Variants in SDK1 observed in about 807,000 individuals in gnomAD.
SDK1 encodes protein sidekick-1.
In SDK1, 157 loss-of-function variants were observed where a neutral mutation model predicts 245.5. The observed-to-expected ratio is 0.64, with a 90% confidence interval of 0.56 to 0.73. SDK1 has a LOEUF of 0.73. Among genes scored for constraint, SDK1 ranks in the 30% least tolerant of loss-of-function variants. The pLI is 0.00. For missense variants in SDK1, 3,583 were observed against 3,002.3 expected (o/e 1.19, Z -4.52); for synonymous variants, 1,647 against 1,278.5 (o/e 1.29, Z -6.15).
intron 12 of SDK1, among the ~76,000 whole-genome samples, chr7:3,974,139 A>T (rs749855422): frequency 6.8e-6 from 1 of 146,446 alleles, no homozygotes; most frequent in African/African-American, 2.6e-5. Flanking sequence ...GGCCAAGATC[A>T]TGCCACTGCA....
At chr7:3,813,327 G>T (rs1315187017) in intron 4 of SDK1, among the ~76,000 whole-genome samples, 1 of 143,068 alleles carries the variant, frequency 7.0e-6, no homozygotes, top group African/African-American at 2.6e-5. Flanking sequence ...TGTTCTCATT[G>T]TTCATTTCCC....
intron 7 of SDK1, among the ~76,000 whole-genome samples, chr7:3,954,700 G>A (rs1449739198): frequency 6.8e-6 from 1 of 147,950 alleles, no homozygotes; most frequent in East Asian, 2.0e-4. Flanking sequence ...CCATTCATGG[G>A]CTTGAATGAG....
chr7:3,306,194 C>T lies in SDK1; in HGVS notation c.298+4310C>T, dbSNP rs142310088. ...TCAAGTTTTAGATAAACCTTATTTA[C>T]GATTATGATTGCAAAATAAAAATTA... On this transcript the variant is annotated intron_variant, in intron 1 of 44. Coordinates refer to ENST00000404826, the MANE Select transcript of SDK1 (RefSeq NM_152744.4). Among the ~76,000 whole-genome samples, 5 of 152,208 alleles carry T rather than the reference C, an allele frequency of 3.3e-5. 1 individual carries two copies. Among genetic ancestry groups the T allele is most frequent in the South Asian group, 4.2e-4 (2 of 4,814 alleles).
intron 4 of SDK1, among the ~76,000 whole-genome samples, chr7:3,662,521 G>A (rs1043814222): frequency 1.3e-5 from 2 of 152,168 alleles, no homozygotes; most frequent in Non-Finnish European, 1.5e-5. Context: ...AGGCAGTGAG[G>A]ACCCAGGCTG....
chr7:3,336,664 A>T (rs1233545795), intron 1 of SDK1, among the ~76,000 whole-genome samples: 1 of 150,530 alleles, frequency 6.6e-6, no homozygotes, highest in Non-Finnish European at 1.5e-5. Flanking sequence ...CTGCTCCTGG[A>T]TGCAGCAACA....
chr7:4,196,450 A>G (rs1372618713), intron 35 of SDK1, among the ~76,000 whole-genome samples: 1 of 152,222 alleles, frequency 6.6e-6, no homozygotes, highest in Non-Finnish European at 1.5e-5. Flanking sequence ...AAAGCCATTC[A>G]GTCCCCTGGA....
chr7:3,806,386 G>A (rs67665990), intron 4 of SDK1, among the ~76,000 whole-genome samples: 18,359 of 111,800 alleles, frequency 0.16, 1,470 homozygotes, highest in Middle Eastern at 0.32. Flanking sequence ...ACATTAGGAC[G>A]TGGATGTCCT....
intron 5 of SDK1, among the ~76,000 whole-genome samples, chr7:3,839,400 A>G (rs887763746): frequency 6.6e-6 from 1 of 152,200 alleles, no homozygotes; most frequent in Non-Finnish European, 1.5e-5. Flanking sequence ...GGTGAACCCA[A>G]TCAAGTTGTC....
rs539946831 is a variant in SDK1, at chr7:3,377,029, C to T, written c.298+75145C>T. Among the ~76,000 whole-genome samples the T allele has an allele frequency of 8.5e-5, 13 of 152,114 alleles. No homozygotes were observed. The South Asian group carries it at 2.1e-3, about 24-fold the overall frequency. ...TGTTGCCAACTCTCTATTCTGAAAT[C>T]GATTCTAACATTCAGCCCTGCTTCG... On this transcript the variant is annotated intron_variant, in intron 1 of 44. Transcript: ENST00000404826.
chr7:3,395,153 C>G (rs2128571500), intron 1 of SDK1, among the ~76,000 whole-genome samples: 2 of 152,024 alleles, frequency 1.3e-5, no homozygotes, highest in South Asian at 2.1e-4. Context: ...TTACCAGGTT[C>G]TATTCTAAGG....
At chr7:4,038,215 C>A (rs927128401) in intron 17 of SDK1, among the ~76,000 whole-genome samples, 1 of 152,204 alleles carries the variant, frequency 6.6e-6, no homozygotes, top group East Asian at 1.9e-4. Context: ...CCCAGAGGAT[C>A]GACTGAGGCC....
intron 22 of SDK1, among the ~76,000 whole-genome samples, chr7:4,093,191 A>G (rs1781915325): frequency 6.6e-6 from 1 of 152,132 alleles, no homozygotes; most frequent in Admixed American, 6.5e-5. Flanking sequence ...TTGACTGTAG[A>G]GTGAGCAAAA....
chr7:3,967,171 T>C, intron 9 of SDK1, 147 bp from the exon 10 acceptor site: 1 of 651,408 alleles, frequency 1.5e-6, no homozygotes, highest in Non-Finnish European at 2.7e-6. Flanking sequence ...AGTGGAGGGC[T>C]GCCGTCCCTC....
chr7:3,349,746 C>T (rs980621150), intron 1 of SDK1, among the ~76,000 whole-genome samples: 2 of 149,570 alleles, frequency 1.3e-5, no homozygotes, highest in Middle Eastern at 3.2e-3. Flanking sequence ...CCTACAGGCA[C>T]CTGCCACCAC....
intron 4 of SDK1, among the ~76,000 whole-genome samples, chr7:3,769,633 G>T (rs1780349678): frequency 6.6e-6 from 1 of 152,048 alleles, no homozygotes. Context: ...GAATTGCACT[G>T]GAATATCAGG....
At chr7:3,630,998 C>CAA (rs1782272261) in intron 2 of SDK1, among the ~76,000 whole-genome samples, 1 of 152,004 alleles carries the variant, frequency 6.6e-6, no homozygotes, top group Non-Finnish European at 1.5e-5. Context: ...TGCAGTGGTG[C>CAA]AATGGTTCAC....
At chr7:3,474,946 C>T (rs751849588) in intron 1 of SDK1, among the ~76,000 whole-genome samples, 4 of 152,172 alleles carry the variant, frequency 2.6e-5, no homozygotes, top group Non-Finnish European at 5.9e-5. Flanking sequence ...CCTTCCTGGC[C>T]TACCAAAATT....
Position 4,266,853 on chromosome 7 carries a change from C to G in SDK1, c.*1469C>G, listed in dbSNP as rs1788502185. The G allele has an allele frequency of 1.0e-6, 1 of 985,446 alleles. No individual in the cohort carries two copies. Among genetic ancestry groups the G allele is most frequent in the South Asian group, 4.7e-5 (1 of 21,294 alleles). The allele number at this position is 985,446 out of a possible 1,614,324, so 61.0% of individuals were successfully genotyped here. A position where few individuals can be genotyped will look rare whatever the true frequency, so the allele number is the denominator to read the frequency against. On this transcript the variant is annotated 3_prime_UTR_variant, in exon 45 of 45. Coordinates refer to ENST00000404826, the MANE Select transcript of SDK1 (RefSeq NM_152744.4). ...AGCGTGACACACACAAGACTCAAGA[C>G]CACCCTGTCAGTGCCCCCCAGTGCA... is the stretch of plus-strand genomic sequence containing the variant.
At position 3,692,949 on chromosome 7, in the gene SDK1, A is replaced by G. The variant is rs564862519; in HGVS notation, c.713+50844A>G. Among the ~76,000 whole-genome samples, 111 of 152,108 alleles carry G rather than the reference A, an allele frequency of 7.3e-4. 1 individual carries two copies. Among genetic ancestry groups the G allele is most frequent in the African/African-American group, 2.5e-3 (104 of 41,538 alleles). On this transcript the variant is annotated intron_variant, in intron 4 of 44. Coordinates refer to ENST00000404826, the MANE Select transcript of SDK1 (RefSeq NM_152744.4). ...TTGGTAATTTAATATTTTCATTTAT[A>G]TATCATCCAGTAGTATTTCACGTGT...
Sources: gnomAD v4.1 joint callset for allele counts (sites outside exome capture counted in the v4.1 genomes callset) on GRCh38, gnomAD v4.1.1 for gene constraint, MANE v1.5 for transcripts, NCBI Gene and HGNC (gene_info 2026-07-23, HGNC 2026-07-21) for gene names.